The following CECR2 variants were observed in gnomAD, a reference collection of about 807,000 sequenced individuals.
CECR2 encodes CECR2 histone acetyl-lysine reader, also known as chromatin remodeling regulator CECR2.
In CECR2, 30 loss-of-function variants were observed where a neutral mutation model predicts 154.5. The ratio of observed to expected loss-of-function variants is 0.19; its 90% CI spans 0.15 to 0.26. CECR2 has a LOEUF of 0.26. CECR2 is among the 10% of genes least tolerant of loss of function. The pLI is 1.00. For synonymous variants in CECR2, 725 were observed against 683.7 expected (o/e 1.06, Z -0.94); for missense variants, 1,743 against 1,829.3 (o/e 0.95, Z 0.86).
chr22:17,501,419 G>T (rs187933645), intron 5 of CECR2, among the ~76,000 whole-genome samples: 1 of 152,034 alleles, frequency 6.6e-6, no homozygotes, highest in Non-Finnish European at 1.5e-5. Flanking sequence ...TTAGCCAGTC[G>T]TGGTGGCGGG....
intron 16 of CECR2, among the ~76,000 whole-genome samples, chr22:17,543,230 T>C (rs2268778): frequency 0.061 from 9,322 of 152,124 alleles, 419 homozygotes; most frequent in Admixed American, 0.14. Flanking sequence ...CCTCCCGGGT[T>C]CATGCCATTC....
At chr22:17,385,011 C>T in intron 1 of CECR2, among the ~76,000 whole-genome samples, 1 of 152,188 alleles carries the variant, frequency 6.6e-6, no homozygotes. Context: ...ACGAACCAAC[C>T]TCTGCTAGCC....
At chr22:17,537,338 T>C in intron 10 of CECR2, 106 bp downstream of exon 10, 1 of 1,340,006 alleles carries the variant, frequency 7.5e-7, no homozygotes, top group Non-Finnish European at 1.0e-6. Context: ...TTGGGTAACA[T>C]GGTCACCATG....
chr22:17,497,731 T>C, intron 3 of CECR2, 145 bp downstream of exon 3: 1 of 721,010 alleles, frequency 1.4e-6, no homozygotes, highest in South Asian at 1.8e-5. Flanking sequence ...TAACACTGTA[T>C]GGAAAACCAT....
At chr22:17,462,407 A>G (rs1461434495) in intron 1 of CECR2, among the ~76,000 whole-genome samples, 1 of 151,994 alleles carries the variant, frequency 6.6e-6, no homozygotes, top group African/African-American at 2.4e-5. Flanking sequence ...TAATACTGAG[A>G]AGGTGTAGGT....
chr22:17,548,396 C>T lies in CECR2; in HGVS notation c.3109C>T (p.Gln1037Ter). The T allele has an allele frequency of 6.2e-7, 1 of 1,613,816 alleles. No individual in the cohort carries two copies. Among genetic ancestry groups the T allele is most frequent in the Non-Finnish European group, 8.5e-7 (1 of 1,179,778 alleles). ...TAGCAGCTACCCCGGCCCAGCCGCC[C>T]AAGGGTGCGTGAGAGACCTCTCCAC... The part of the protein sequence containing the change: ...SDSSYPGPAA[Q>*]GCVRDLSTVA... Residue 1037 changes from glutamine (Q) to a stop codon, truncating the protein, a stop_gained, in exon 17 of 19, where the codon CAA (glutamine) becomes TAA (stop). Transcript: ENST00000262608. LOFTEE classifies it high-confidence loss of function.
intron 1 of CECR2, among the ~76,000 whole-genome samples, chr22:17,401,419 C>T (rs560182511): frequency 6.6e-5 from 10 of 152,292 alleles, no homozygotes; most frequent in East Asian, 5.8e-4. Context: ...TGTCCGCCAA[C>T]GCCACGCGAG....
chr22:17,389,788 C>T (rs1425590627), intron 1 of CECR2, among the ~76,000 whole-genome samples: 2 of 151,954 alleles, frequency 1.3e-5, no homozygotes, highest in African/African-American at 4.8e-5. Context: ...CCACAACGCC[C>T]GGCTAATTTT....
At chr22:17,504,817 C>T (rs1288451475) in intron 6 of CECR2, 30 bp from the exon 7 acceptor site, 1 of 1,598,134 alleles carries the variant, frequency 6.3e-7, no homozygotes, top group East Asian at 2.2e-5. Flanking sequence ...ATGGGATCTC[C>T]TGTAGTGAAT....
At chr22:17,531,371 C>T (rs373122367) in intron 9 of CECR2, among the ~76,000 whole-genome samples, 8 of 152,312 alleles carry the variant, frequency 5.3e-5, no homozygotes, top group Admixed American at 2.6e-4. Context: ...AGTTGAACGG[C>T]ATCAGCAAGC....
chr22:17,387,258 G>A (rs2063274164), intron 1 of CECR2, among the ~76,000 whole-genome samples: 3 of 152,176 alleles, frequency 2.0e-5, no homozygotes, highest in South Asian at 4.1e-4. Context: ...TCTGGCAGCT[G>A]TACCTGCCCC....
rs1456923351 is a variant in CECR2 at position 17,496,843 on chromosome 22, G to A, written c.222-560G>A. Among the ~76,000 whole-genome samples the A allele has an allele frequency of 1.3e-5, 2 of 152,184 alleles. 1 individual carries two copies. The highest frequency in any genetic ancestry group is 4.8e-5 in the African/African-American group (2 of 41,448). On this transcript the variant is annotated intron_variant, in intron 2 of 18. Transcript: ENST00000262608. Reference sequence around the variant, plus strand: ...ATGCTTTTACCCATTCCACCAGAATGTGCTATTCGGGCTTTAAAGTCAACC... The same window carrying A: ...ATGCTTTTACCCATTCCACCAGAATATGCTATTCGGGCTTTAAAGTCAACC...
At chr22:17,382,206 A>G (rs1231029569) in intron 1 of CECR2, among the ~76,000 whole-genome samples, 1 of 152,056 alleles carries the variant, frequency 6.6e-6, no homozygotes, top group African/African-American at 2.4e-5. Flanking sequence ...CCCCTTCCTC[A>G]TAGAGACTAA....
intron 1 of CECR2, among the ~76,000 whole-genome samples, chr22:17,373,363 A>G (rs757572836): frequency 7.9e-5 from 12 of 152,212 alleles, no homozygotes; most frequent in Non-Finnish European, 1.5e-4. Context: ...GTAATGCCTT[A>G]TCTCAGTTCA....
At chr22:17,363,556 T>C (rs527752181) in intron 1 of CECR2, among the ~76,000 whole-genome samples, 3 of 152,242 alleles carry the variant, frequency 2.0e-5, no homozygotes, top group African/African-American at 7.2e-5. Flanking sequence ...TTGGCCAGGC[T>C]GGGCTCGAAC....
At chr22:17,424,840 G>A (rs577988812) in intron 1 of CECR2, 4 of 152,440 alleles carry the variant, frequency 2.6e-5, no homozygotes, top group South Asian at 2.1e-4. Context: ...TATGAATTGT[G>A]ACCAGTCTTC....
intron 1 of CECR2, among the ~76,000 whole-genome samples, chr22:17,398,184 G>A (rs149573206): frequency 2.8e-3 from 424 of 150,556 alleles, no homozygotes; most frequent in Middle Eastern, 0.017. Flanking sequence ...TCTGTTAATT[G>A]CATTTTGGTA....
intron 1 of CECR2, among the ~76,000 whole-genome samples, chr22:17,467,400 C>T (rs772781653): frequency 1.3e-5 from 2 of 152,114 alleles, no homozygotes; most frequent in Admixed American, 1.3e-4. Context: ...GTGAGCATCA[C>T]AGTGATAACA....
chr22:17,529,434 C>G (rs1249837186), intron 9 of CECR2, among the ~76,000 whole-genome samples: 1 of 152,240 alleles, frequency 6.6e-6, no homozygotes, highest in Admixed American at 6.5e-5. Context: ...GGCGCCGTGG[C>G]TCACGGTTGT....
Sources: allele counts gnomAD v4.1 joint callset (sites outside exome capture counted in the v4.1 genomes callset), GRCh38; gene constraint gnomAD v4.1.1; transcripts MANE v1.5; gene names NCBI Gene and HGNC (gene_info 2026-07-23, HGNC 2026-07-21).